DCUN1D4: variants seen among roughly 807,000 people sequenced by gnomAD.
DCUN1D4 encodes the protein DCN1-like protein 4.
Under a neutral mutation model 47.9 loss-of-function variants are expected in DCUN1D4, and 22 were observed. That is an observed-to-expected ratio of 0.46 (90% CI 0.33 to 0.66). The LOEUF is 0.66. Ranked by LOEUF, DCUN1D4 falls within the 30% of genes least tolerant of loss-of-function variation. The pLI, the probability that DCUN1D4 is intolerant of heterozygous loss-of-function variation, is 0.02. For missense variants in DCUN1D4, 301 were observed against 340.8 expected, an observed-to-expected ratio of 0.88 and a Z score of 0.92; for synonymous variants, 121 against 112.2, an observed-to-expected ratio of 1.08 and a Z score of -0.50.
chr4:51,877,587 GT>G (rs1727897715), intron 4 of DCUN1D4, 175 bp from the exon 5 acceptor site: 2 of 500,988 alleles, frequency 4.0e-6, no homozygotes, highest in Non-Finnish European at 7.2e-6. Context: ...GAGTGACTGT[GT>G]TTAAACACTG....
At chr4:51,910,744 G>A (rs1352921801) in intron 8 of DCUN1D4, 1 of 309,028 alleles carries the variant, frequency 3.2e-6, no homozygotes, top group African/African-American at 2.2e-5. Flanking sequence ...TATCAAACAA[G>A]CAAGTGATTG....
Position 51,853,716 on chromosome 4 carries a change from GTCT to G in DCUN1D4, c.26-9716_26-9714del, listed in dbSNP as rs1452285162. Among the ~76,000 whole-genome samples, 8 of 152,292 alleles carry G rather than the reference GTCT, an allele frequency of 5.3e-5. No individual in the cohort carries two copies. In the South Asian group the frequency reaches 8.3e-4, roughly 16 times the overall value. ...GGGCCCTGGTATTTGGTGTTTTTCA[GTCT>G]TCTTAGGTGATTCCACTGTGTAGCC... On this transcript the variant is annotated intron_variant, in intron 1 of 10. Transcript: ENST00000334635.
chr4:51,905,358 A>G (rs1732720434), intron 8 of DCUN1D4: 1 of 290,518 alleles, frequency 3.4e-6, no homozygotes, highest in African/African-American at 2.2e-5. Context: ...CTTTCCCTCC[A>G]CAAAGCTCTC....
intron 7 of DCUN1D4, 62 bp from the exon 8 acceptor site, chr4:51,899,208 C>T: frequency 4.7e-6 from 7 of 1,477,880 alleles, no homozygotes; most frequent in South Asian, 2.8e-5. Flanking sequence ...ATATTACTGC[C>T]TCTATTAAAA....
At chr4:51,911,367 T>G (rs1347593944) in intron 9 of DCUN1D4, among the ~76,000 whole-genome samples, 193 bp downstream of exon 9, 1 of 152,216 alleles carries the variant, frequency 6.6e-6, no homozygotes, top group African/African-American at 2.4e-5. Flanking sequence ...TAATGTTGTG[T>G]TGCTTCATTC....
chr4:51,887,107 C>A (rs1729611081), intron 6 of DCUN1D4: 1 of 389,596 alleles, frequency 2.6e-6, no homozygotes, highest in Non-Finnish European at 5.1e-6. Flanking sequence ...GAAGTGATTG[C>A]TTTTTTTTTT....
intron 1 of DCUN1D4, among the ~76,000 whole-genome samples, chr4:51,846,185 A>G (rs1295182075): frequency 6.6e-6 from 1 of 151,940 alleles, no homozygotes; most frequent in Non-Finnish European, 1.5e-5. Flanking sequence ...GCTCCTACAC[A>G]CTTTCTGCTC....
rs17086093 is a variant in DCUN1D4, at chr4:51,853,883, A to G, written c.26-9554A>G. 4.8e-3 allele frequency among the ~76,000 whole-genome samples: 732 copies of G among 152,324 alleles called. 4 individuals are homozygous for G. The highest frequency in any genetic ancestry group is 0.02 in the Middle Eastern group (6 of 294). On this transcript the variant is annotated intron_variant, in intron 1 of 10. Coordinates refer to ENST00000334635, the MANE Select transcript of DCUN1D4 (RefSeq NM_001040402.3). ...TCGTGCAGACCCTTCCTGCTCGCCT[A>G]TGACATAATAGCCAATTCTTGGTAG... is the stretch of plus-strand genomic sequence containing the variant.
chr4:51,906,462 C>T (rs1321164435), intron 8 of DCUN1D4, among the ~76,000 whole-genome samples: 1 of 152,180 alleles, frequency 6.6e-6, no homozygotes, highest in Non-Finnish European at 1.5e-5. Context: ...GATTCACTTC[C>T]TCTTCTGATG....
chr4:51,910,773 A>T (rs921504855), intron 8 of DCUN1D4: 2 of 380,626 alleles, frequency 5.3e-6, no homozygotes, highest in Non-Finnish European at 9.3e-6. Flanking sequence ...GTTTTTATTA[A>T]TCCCATGAAA....
intron 5 of DCUN1D4, among the ~76,000 whole-genome samples, chr4:51,879,599 T>TC (rs1728214684): frequency 6.6e-6 from 1 of 152,224 alleles, no homozygotes; most frequent in Admixed American, 6.5e-5. Flanking sequence ...AGAGCAAGAC[T>TC]CCGTCTCCAG....
chr4:51,878,900 C>G (rs781644569), intron 5 of DCUN1D4, among the ~76,000 whole-genome samples: 2 of 152,114 alleles, frequency 1.3e-5, no homozygotes, highest in Non-Finnish European at 2.9e-5. Context: ...TTCTCCTATT[C>G]CCATGCAACC....
At chr4:51,905,918 G>T (rs1732817612) in intron 8 of DCUN1D4, among the ~76,000 whole-genome samples, 1 of 152,136 alleles carries the variant, frequency 6.6e-6, no homozygotes, top group Non-Finnish European at 1.5e-5. Context: ...CCCTGGTGGA[G>T]TGATCGAGGT....
chr4:51,853,969 A>G (rs532046600), intron 1 of DCUN1D4, among the ~76,000 whole-genome samples: 7 of 152,348 alleles, frequency 4.6e-5, no homozygotes, highest in Middle Eastern at 3.4e-3. Context: ...TTTAATCCAC[A>G]CGATATCCTT....
In DCUN1D4 at chr4:51,844,209, C is replaced by T. The variant is rs138802440; in HGVS notation, c.25+942C>T. Among the ~76,000 whole-genome samples, 384 of 139,870 alleles carry T rather than the reference C, an allele frequency of 2.7e-3. 2 individuals carry two copies. The highest frequency in any genetic ancestry group is 0.014 in the Middle Eastern group (3 of 222). The allele number at this position is 139,870 out of a possible 152,430, so 91.8% of individuals were successfully genotyped here. ...GTCACGTCCAGATTCGGTCCGGAGC[C>T]GGGCTAAGGGGGTGTCAGACTGTGC... On this transcript the variant is annotated intron_variant, in intron 1 of 10. Transcript: ENST00000334635.
chr4:51,853,925 C>T (rs922310097), intron 1 of DCUN1D4, among the ~76,000 whole-genome samples: 1 of 152,186 alleles, frequency 6.6e-6, no homozygotes, highest in African/African-American at 2.4e-5. Flanking sequence ...CCCTGTGCCA[C>T]GCACTGTTTG....
At chr4:51,837,954 G>A in the DCUN1D4 span, among the ~76,000 whole-genome samples, 1 of 152,124 alleles carries the variant, frequency 6.6e-6, no homozygotes, top group Admixed American at 6.5e-5. Context: ...GAGGCGGGCA[G>A]ATCACTTGAA....
intron 3 of DCUN1D4, among the ~76,000 whole-genome samples, chr4:51,868,575 A>G: frequency 6.6e-6 from 1 of 152,198 alleles, no homozygotes; most frequent in South Asian, 2.1e-4. Context: ...AAAATCTATG[A>G]TGTTTAGAAA....
chr4:51,911,537 T>G (rs535052536), intron 9 of DCUN1D4, among the ~76,000 whole-genome samples: 1 of 152,340 alleles, frequency 6.6e-6, no homozygotes, highest in African/African-American at 2.4e-5. Context: ...CCACTTTTAT[T>G]AAGCAGAGGT....
Sources: gnomAD v4.1 joint callset for allele counts (sites outside exome capture counted in the v4.1 genomes callset) on GRCh38, gnomAD v4.1.1 for gene constraint, MANE v1.5 for transcripts, NCBI Gene and HGNC (gene_info 2026-07-23, HGNC 2026-07-21) for gene names.